LRP12: variants seen among roughly 807,000 people sequenced by gnomAD.
The protein encoded by LRP12 is LDL receptor related protein 12.
In LRP12, 14 loss-of-function variants were observed where a neutral mutation model predicts 66.0. That is an observed-to-expected ratio of 0.21 (90% CI 0.14 to 0.33). LRP12 has a LOEUF of 0.33. LRP12 is among the 10% of genes least tolerant of loss of function. The pLI is 1.00. For missense variants in LRP12, 889 were observed against 1,053.4 expected, an observed-to-expected ratio of 0.84 and a Z score of 2.16; for synonymous variants, 357 against 359.1, an observed-to-expected ratio of 0.99 and a Z score of 0.07.
chr8:104,540,878 C>T (rs1811466053), intron 1 of LRP12, among the ~76,000 whole-genome samples: 1 of 152,114 alleles, frequency 6.6e-6, no homozygotes, highest in South Asian at 2.1e-4. Flanking sequence ...GGATTACAGG[C>T]ACGTGCCATC....
rs552735086 is a variant in LRP12, at chr8:104,563,218, G to A, written c.79+25601C>T. ...AGTATCGAAGCTGATGTATGTATAT[G>A]TATTTATTTACACAGATTCATTTGC... is the stretch of plus-strand genomic sequence containing the variant. On this transcript the variant is annotated intron_variant, in intron 1 of 6. Coordinates refer to ENST00000276654, the MANE Select transcript of LRP12 (RefSeq NM_013437.5). Among the ~76,000 whole-genome samples, 361 of 152,156 alleles carry A rather than the reference G, an allele frequency of 2.4e-3. 1 individual carries two copies. Among genetic ancestry groups the A allele is most frequent in the Non-Finnish European group, 4.4e-3 (296 of 67,990 alleles).
intron 1 of LRP12, among the ~76,000 whole-genome samples, chr8:104,570,127 G>T (rs912706790): frequency 1.3e-5 from 2 of 152,068 alleles, no homozygotes; most frequent in African/African-American, 4.8e-5. Context: ...ACTAATGAAA[G>T]AAATCAAAGA....
At chr8:104,579,807 T>C (rs1467104217) in intron 1 of LRP12, among the ~76,000 whole-genome samples, 2 of 151,902 alleles carry the variant, frequency 1.3e-5, no homozygotes, top group Admixed American at 1.3e-4. Flanking sequence ...TTCAACAAAC[T>C]TGACAAAAAT....
chr8:104,547,499 T>C (rs1302493289), intron 1 of LRP12, among the ~76,000 whole-genome samples: 1 of 125,066 alleles, frequency 8.0e-6, no homozygotes, highest in East Asian at 2.2e-4. Context: ...TTCTGTTATA[T>C]TATATTTTGT....
intron 2 of LRP12, among the ~76,000 whole-genome samples, chr8:104,519,905 T>C (rs1811122230): frequency 6.6e-6 from 1 of 152,094 alleles, no homozygotes; most frequent in South Asian, 2.1e-4. Context: ...CAAAATATTT[T>C]ACTTGGCTAT....
rs764543335 is a variant in LRP12, at chr8:104,588,869, G to A, written c.29C>T (p.Ser10Phe). Residue 10 changes from serine to phenylalanine, a missense_variant, in exon 1 of 7, where the codon TCT (serine) becomes TTT (phenylalanine). Physicochemically the swap from Ser to Phe is radical, Grantham distance 155 (BLOSUM62 -2). Around this residue, in one of 3 missense-constraint regions of LRP12, gnomAD observed 88 missense variants for 72.5 expected, o/e 1.21. Coordinates refer to ENST00000276654, the MANE Select transcript of LRP12 (RefSeq NM_013437.5). ...GAGCAACGCAGACCTCCACCGCGGA[G>A]ACTCTTTTGTGCTCCAGCGACAGGC... is the stretch of plus-strand genomic sequence containing the variant. The part of the protein sequence containing the change: MACRWSTKE[S>F]PRWRSALLLL... 1.9e-6 allele frequency: 3 copies of A among 1,611,614 alleles called. No homozygotes were observed. Among genetic ancestry groups the A allele is most frequent in the African/African-American group, 1.3e-5 (1 of 74,886 alleles).
intron 1 of LRP12, among the ~76,000 whole-genome samples, chr8:104,569,923 A>G (rs1812053522): frequency 6.6e-6 from 1 of 152,190 alleles, no homozygotes; most frequent in Non-Finnish European, 1.5e-5. Flanking sequence ...AGAAATCTAC[A>G]CAAATACTCC....
intron 2 of LRP12, among the ~76,000 whole-genome samples, chr8:104,518,247 T>C (rs1040921123): frequency 3.9e-5 from 6 of 152,106 alleles, no homozygotes; most frequent in Non-Finnish European, 7.4e-5. Context: ...CTAACACTTA[T>C]TGAACTCTTA....
intron 1 of LRP12, among the ~76,000 whole-genome samples, chr8:104,544,408 C>T (rs1811525718): frequency 6.6e-6 from 1 of 152,118 alleles, no homozygotes; most frequent in South Asian, 2.1e-4. Flanking sequence ...GGTGGCTACA[C>T]GAGGCAACAG....
At chr8:104,501,634 G>C (rs1180800640) in intron 3 of LRP12, among the ~76,000 whole-genome samples, 14 of 151,754 alleles carry the variant, frequency 9.2e-5, no homozygotes, top group African/African-American at 3.4e-4. Context: ...AACTTGGGAG[G>C]TGGAGGTTGT....
chr8:104,539,275 T>C (rs1206920377), intron 1 of LRP12, among the ~76,000 whole-genome samples: 1 of 151,700 alleles, frequency 6.6e-6, no homozygotes, highest in Non-Finnish European at 1.5e-5. Context: ...AAAGAAAGCA[T>C]ATTTGTTCTT....
At chr8:104,566,048 CA>C (rs1184407343) in intron 1 of LRP12, 61 of 199,326 alleles carry the variant, frequency 3.1e-4, no homozygotes, top group East Asian at 5.6e-4. Flanking sequence ...TTAAAGACTT[CA>C]AAAAAAATGG....
intron 1 of LRP12, among the ~76,000 whole-genome samples, chr8:104,551,307 G>A (rs980962982): frequency 1.3e-5 from 2 of 152,094 alleles, no homozygotes; most frequent in African/African-American, 2.4e-5. Context: ...GTATTAGTAC[G>A]TATTGAGTTA....
At chr8:104,573,975 T>C (rs979098183) in intron 1 of LRP12, among the ~76,000 whole-genome samples, 2 of 152,196 alleles carry the variant, frequency 1.3e-5, no homozygotes, top group Non-Finnish European at 2.9e-5. Context: ...GTATGCCCTA[T>C]GAATGAATGC....
At chr8:104,552,968 G>A (rs576269399) in intron 1 of LRP12, among the ~76,000 whole-genome samples, 1 of 152,318 alleles carries the variant, frequency 6.6e-6, no homozygotes, top group African/African-American at 2.4e-5. Flanking sequence ...CATCCTCACT[G>A]GTCCAGATCA....
chr8:104,512,865 A>G (rs558300996), intron 2 of LRP12, among the ~76,000 whole-genome samples: 1 of 152,316 alleles, frequency 6.6e-6, no homozygotes, highest in Non-Finnish European at 1.5e-5. Context: ...ATGAGATTCA[A>G]TATTTATATT....
intron 1 of LRP12, among the ~76,000 whole-genome samples, chr8:104,584,407 C>T (rs938332973): frequency 2.6e-5 from 4 of 151,654 alleles, no homozygotes; most frequent in African/African-American, 9.7e-5. Context: ...GGAACAACAT[C>T]TCATATCAGA....
intron 2 of LRP12, among the ~76,000 whole-genome samples, chr8:104,519,136 T>C (rs769290570): frequency 1.4e-4 from 21 of 152,090 alleles, no homozygotes; most frequent in Non-Finnish European, 2.8e-4. Flanking sequence ...TTCCTGTATC[T>C]TGACTGTGTT....
At chr8:104,501,417 T>C (rs1415968613) in intron 3 of LRP12, among the ~76,000 whole-genome samples, 1 of 152,040 alleles carries the variant, frequency 6.6e-6, no homozygotes, top group Non-Finnish European at 1.5e-5. Flanking sequence ...TTTATATTCT[T>C]GGCCGGGCAT....
Sources: gnomAD v4.1 joint callset for allele counts (sites outside exome capture counted in the v4.1 genomes callset) on GRCh38, gnomAD v4.1.1 for gene constraint, gnomAD v4.1.1 regional missense constraint, MANE v1.5 for transcripts, NCBI Gene and HGNC (gene_info 2026-07-23, HGNC 2026-07-21) for gene names.